The following ATRX variants were observed in gnomAD, a reference collection of about 807,000 sequenced individuals.
ATRX encodes ATRX chromatin remodeler.
In ATRX, 12 loss-of-function variants were observed where a neutral mutation model predicts 172.6. The ratio of observed to expected loss-of-function variants is 0.07; its 90% CI spans 0.04 to 0.11. The LOEUF (loss-of-function observed/expected upper bound fraction) is 0.11, where lower values mean the gene tolerates loss of function less well. Among genes scored for constraint, ATRX ranks in the 10% least tolerant of loss-of-function variants. ATRX has a pLI of 1.00. For synonymous variants in ATRX, 674 were observed against 594.7 expected (o/e 1.13, Z -1.94); for missense variants, 1,368 against 1,767.4 (o/e 0.77, Z 4.05).
At chrX:77,655,983 C>A (rs1423368715) in intron 13 of ATRX, among the ~76,000 whole-genome samples, 3 of 110,773 alleles carry the variant, frequency 2.7e-5, no homozygotes, top group Non-Finnish European at 5.7e-5. Context: ...AGAAGGAAGC[C>A]AAATTTTAAA....
intron 15 of ATRX, among the ~76,000 whole-genome samples, chrX:77,639,818 CTAA>C (rs2068564719): frequency 8.9e-6 from 1 of 111,793 alleles, no homozygotes; most frequent in Non-Finnish European, 1.9e-5. Context: ...CTTTATTTAA[CTAA>C]TAATACTGGG....
At chrX:77,631,845 G>A (rs2068120326) in intron 19 of ATRX, among the ~76,000 whole-genome samples, 1 of 111,875 alleles carries the variant, frequency 8.9e-6, no homozygotes, top group Admixed American at 9.5e-5. Flanking sequence ...TAATAATAAT[G>A]TGTCAATTTC....
intron 30 of ATRX, among the ~76,000 whole-genome samples, chrX:77,544,431 T>A (rs2064148518): frequency 9.0e-6 from 1 of 111,207 alleles, no homozygotes; most frequent in African/African-American, 3.3e-5. Context: ...TTTTTTATTA[T>A]TATACTTTAA....
At chrX:77,540,702 C>T (rs982073351) in intron 30 of ATRX, among the ~76,000 whole-genome samples, 4 of 111,658 alleles carry the variant, frequency 3.6e-5, no homozygotes, top group Admixed American at 2.9e-4. Context: ...TGAACAACCT[C>T]CTCCTGAATG....
chrX:77,617,858 A>G (rs781881630), intron 21 of ATRX, among the ~76,000 whole-genome samples: 10 of 110,367 alleles, frequency 9.1e-5, no homozygotes, highest in Non-Finnish European at 1.9e-4. Context: ...CAGAGACTAT[A>G]GGTGCGCACC....
chrX:77,634,085 A>G (rs1367176128), intron 17 of ATRX, among the ~76,000 whole-genome samples: 1 of 110,546 alleles, frequency 9.0e-6, no homozygotes, highest in Non-Finnish European at 1.9e-5. Flanking sequence ...CATTAAATCT[A>G]TAATTACTTT....
At chrX:77,552,004 A>C (rs1282338615) in intron 30 of ATRX, among the ~76,000 whole-genome samples, 1 of 111,591 alleles carries the variant, frequency 9.0e-6, no homozygotes. Flanking sequence ...AAATAGGAAC[A>C]CTTTTACACT....
intron 1 of ATRX, among the ~76,000 whole-genome samples, chrX:77,720,880 A>T (rs1456505358): frequency 1.8e-5 from 2 of 111,688 alleles, no homozygotes; most frequent in South Asian, 3.7e-4. Context: ...CAAATAAAGA[A>T]AATTTCAGGC....
chrX:77,650,023 T>A (rs1437283346), intron 15 of ATRX, among the ~76,000 whole-genome samples: 1 of 112,376 alleles, frequency 8.9e-6, no homozygotes, highest in Non-Finnish European at 1.9e-5. Flanking sequence ...GTACACTATA[T>A]TCATGTAACA....
At chrX:77,631,553 T>C (rs2068107877) in intron 19 of ATRX, among the ~76,000 whole-genome samples, 1 of 111,375 alleles carries the variant, frequency 9.0e-6, no homozygotes, top group African/African-American at 3.3e-5. Context: ...GTACCCCCGA[T>C]ATGAGATATG....
chrX:77,517,289 T>G (rs2063086992), intron 34 of ATRX, among the ~76,000 whole-genome samples: 1 of 111,129 alleles, frequency 9.0e-6, no homozygotes, highest in South Asian at 3.7e-4. Flanking sequence ...TTAGCCAGAT[T>G]AAGAAAAAGG....
At chrX:77,669,114 A>T (rs1428506010) in intron 10 of ATRX, among the ~76,000 whole-genome samples, 1 of 111,727 alleles carries the variant, frequency 9.0e-6, no homozygotes, top group Admixed American at 9.5e-5. Flanking sequence ...CAGCTTTGTC[A>T]TTCTACAGAT....
At chrX:77,611,043 T>C (rs1403348707) in intron 22 of ATRX, among the ~76,000 whole-genome samples, 1 of 110,324 alleles carries the variant, frequency 9.1e-6, no homozygotes, top group African/African-American at 3.3e-5. Context: ...CACACATACA[T>C]TTTAAAAACT....
At chrX:77,655,247 C>G (rs1469303824) in intron 13 of ATRX, among the ~76,000 whole-genome samples, 1 of 110,348 alleles carries the variant, frequency 9.1e-6, no homozygotes, top group Non-Finnish European at 1.9e-5. Context: ...AAGCCATACA[C>G]TTAAAAATCG....
intron 28 of ATRX, among the ~76,000 whole-genome samples, chrX:77,559,725 G>A (rs1426148165): frequency 2.7e-5 from 3 of 109,846 alleles, no homozygotes; most frequent in Non-Finnish European, 5.7e-5. Context: ...CCAAAGTGCT[G>A]GGATTACAGA....
At chrX:77,714,539 C>A (rs781864538) in intron 2 of ATRX, among the ~76,000 whole-genome samples, 2 of 111,921 alleles carry the variant, frequency 1.8e-5, no homozygotes, top group Non-Finnish European at 3.8e-5. Context: ...GTTTACCTAG[C>A]AAACACAACC....
intron 23 of ATRX, 35 bp from the exon 24 acceptor site, chrX:77,599,855 A>G: frequency 1.9e-6 from 2 of 1,042,455 alleles, no homozygotes; most frequent in Non-Finnish European, 2.7e-6. Context: ...TTTTAATAGA[A>G]TATCTCAACT....
intron 1 of ATRX, among the ~76,000 whole-genome samples, chrX:77,768,034 A>G (rs1255211319): frequency 8.9e-6 from 1 of 112,100 alleles, no homozygotes; most frequent in Non-Finnish European, 1.9e-5. Flanking sequence ...CACAGTTATC[A>G]TAAGACCCAG....
At chrX:77,521,224 G>T in intron 33 of ATRX, 179 bp downstream of exon 33, 1 of 451,948 alleles carries the variant, frequency 2.2e-6, no homozygotes, top group Non-Finnish European at 3.8e-6. Context: ...TTTCTCTCTT[G>T]TGCCAACATC....
Sources: gnomAD v4.1 joint callset for allele counts (sites outside exome capture counted in the v4.1 genomes callset) on GRCh38, gnomAD v4.1.1 for gene constraint, MANE v1.5 for transcripts, NCBI Gene and HGNC (gene_info 2026-07-23, HGNC 2026-07-21) for gene names.